PATJ: variants seen among roughly 807,000 people sequenced by gnomAD.
The protein encoded by PATJ is inaD-like protein.
PATJ carries 190 observed loss-of-function variants against 224.9 expected under a neutral mutation model. That is an observed-to-expected ratio of 0.84 (90% CI 0.75 to 0.95). PATJ has a LOEUF of 0.95. PATJ is among the 40% of genes least tolerant of loss of function. The pLI, the probability that PATJ is intolerant of heterozygous loss-of-function variation, is 0.00. For synonymous variants in PATJ, 769 were observed against 820.3 expected (o/e 0.94, Z 1.07); for missense variants, 2,121 against 2,270.3 (o/e 0.93, Z 1.34).
intron 7 of PATJ, among the ~76,000 whole-genome samples, chr1:61,783,066 G>A (rs1647677440): frequency 1.3e-5 from 2 of 152,216 alleles, no homozygotes; most frequent in African/African-American, 4.8e-5. Flanking sequence ...TTTGAGGGTG[G>A]ATGTGAACTT....
At chr1:61,787,550 A>C (rs960272379) in intron 7 of PATJ, among the ~76,000 whole-genome samples, 2 of 152,132 alleles carry the variant, frequency 1.3e-5, no homozygotes, top group African/African-American at 4.8e-5. Context: ...TACTTTTCTC[A>C]TTTTGAGCCA....
chr1:62,079,623 A>T (rs1347910224), intron 32 of PATJ, 56 bp downstream of exon 32: 3 of 1,126,170 alleles, frequency 2.7e-6, no homozygotes, highest in Non-Finnish European at 4.0e-6. Flanking sequence ...AAGGCAAGGG[A>T]TCATAATGTC....
chr1:62,042,584 G>A (rs930935437), intron 30 of PATJ, among the ~76,000 whole-genome samples: 36 of 152,020 alleles, frequency 2.4e-4, no homozygotes, highest in Admixed American at 2.2e-3. Context: ...TTATTAAGTA[G>A]CAGTTTTATT....
rs575022689 is a variant in PATJ, at chr1:61,884,183, C to G, written c.2960-54C>G. On this transcript the variant is annotated intron_variant, in intron 21 of 43. Coordinates refer to ENST00000642238, the MANE Select transcript of PATJ (RefSeq NM_001350145.3). The stretch of plus-strand genomic sequence containing the variant: ...GTGCCCATACCTAGTTGTTGAATGA[C>G]TAAAGGAGAATGAGTGCCTCTTGTG... The G allele has an allele frequency of 4.2e-6, 6 of 1,437,450 alleles. No homozygotes were observed. In the African/African-American group the frequency reaches 7.1e-5, roughly 17 times the overall value. 89.0% of individuals were successfully genotyped at this position (1,437,450 alleles called of 1,614,324 possible). A position where few individuals can be genotyped will look rare whatever the true frequency, so the allele number is the denominator to read the frequency against.
intron 20 of PATJ, among the ~76,000 whole-genome samples, chr1:61,869,357 C>T (rs992250306): frequency 5.9e-5 from 9 of 152,170 alleles, no homozygotes; most frequent in African/African-American, 1.9e-4. Context: ...CCGCCCGCCT[C>T]GGCCTCCCAA....
chr1:61,752,764 A>C (rs1051017742), intron 1 of PATJ, among the ~76,000 whole-genome samples: 2 of 152,210 alleles, frequency 1.3e-5, no homozygotes, highest in Admixed American at 6.6e-5. Context: ...GGAGGATTTA[A>C]ACATTGCTTA....
chr1:62,119,409 A>G (rs1339608927), intron 37 of PATJ, among the ~76,000 whole-genome samples: 2 of 152,212 alleles, frequency 1.3e-5, no homozygotes, highest in Admixed American at 1.3e-4. Flanking sequence ...CAGTTACAAA[A>G]TAGGGAGATC....
chr1:61,981,591 A>G (rs1644450934), intron 27 of PATJ, among the ~76,000 whole-genome samples: 1 of 151,972 alleles, frequency 6.6e-6, no homozygotes, highest in Admixed American at 6.6e-5. Context: ...ACAGTCCTGC[A>G]GAAGTATGAC....
intron 33 of PATJ, among the ~76,000 whole-genome samples, chr1:62,103,417 G>A (rs1662476516): frequency 1.3e-5 from 2 of 152,102 alleles, no homozygotes; most frequent in South Asian, 4.1e-4. Context: ...AGCATCTATG[G>A]CACATAGATG....
intron 7 of PATJ, among the ~76,000 whole-genome samples, chr1:61,778,373 C>T (rs181624209): frequency 8.8e-4 from 134 of 152,040 alleles, no homozygotes; most frequent in Non-Finnish European, 1.7e-3. Flanking sequence ...GCTAAAAGAT[C>T]CTTTCAAAAA....
At chr1:62,001,174 G>C (rs576874687) in intron 28 of PATJ, among the ~76,000 whole-genome samples, 281 of 150,870 alleles carry the variant, frequency 1.9e-3, no homozygotes, top group African/African-American at 6.6e-3. Context: ...CTTTTGCTGT[G>C]CAGAAGCTCT....
chr1:61,974,405 C>CTCTTTTTTTTTTTTT (rs1434777894), intron 27 of PATJ, among the ~76,000 whole-genome samples: 2 of 64,242 alleles, frequency 3.1e-5, no homozygotes, highest in African/African-American at 1.3e-4. Flanking sequence ...CTCTCTCTCT[C>CTCTTTTTTTTTTTTT]TTTTTTTTTT....
At chr1:61,792,387 T>C (rs1650070063) in intron 9 of PATJ, among the ~76,000 whole-genome samples, 1 of 152,182 alleles carries the variant, frequency 6.6e-6, no homozygotes, top group South Asian at 2.1e-4. Context: ...TTAAGTCTGG[T>C]TAGAGGAATC....
At chr1:61,785,961 T>G (rs1458878349) in intron 7 of PATJ, among the ~76,000 whole-genome samples, 2 of 152,192 alleles carry the variant, frequency 1.3e-5, no homozygotes, top group African/African-American at 2.4e-5. Flanking sequence ...CCACCTAGCT[T>G]AAGAAATATA....
chr1:61,887,328 C>A (rs1669032124), intron 22 of PATJ, among the ~76,000 whole-genome samples: 1 of 152,046 alleles, frequency 6.6e-6, no homozygotes, highest in African/African-American at 2.4e-5. Flanking sequence ...CTTTTTATAG[C>A]TTGAGAGCAG....
chr1:62,012,372 T>C (rs1260290699), intron 28 of PATJ, among the ~76,000 whole-genome samples: 1 of 152,250 alleles, frequency 6.6e-6, no homozygotes, highest in Non-Finnish European at 1.5e-5. Flanking sequence ...CTAAATGAGA[T>C]ACTGTGCATA....
intron 41 of PATJ, among the ~76,000 whole-genome samples, chr1:62,141,207 C>T (rs576966673): frequency 8.1e-4 from 122 of 151,224 alleles, no homozygotes; most frequent in African/African-American, 2.9e-3. Flanking sequence ...TGCCTCACAC[C>T]ACAGTTAGGA....
At position 62,148,405 on chromosome 1, in the gene PATJ, T is replaced by C. The variant is rs761190948; in HGVS notation, c.5378+15T>C. 3 of 1,558,158 alleles carry C rather than the reference T, an allele frequency of 1.9e-6. No homozygotes were observed. The highest frequency in any genetic ancestry group is 3.3e-5 in the Admixed American group (2 of 59,932). On this transcript the variant is annotated intron_variant, in intron 42 of 43. Transcript: ENST00000642238. Reference sequence around the variant, plus strand: ...GAAGACACAGAGTGAGTATTTCAGATGCAGAGGGCCTATTATGCATGTGGG... The same window carrying C: ...GAAGACACAGAGTGAGTATTTCAGACGCAGAGGGCCTATTATGCATGTGGG...
At chr1:62,122,533 G>A (rs1302151260) in intron 38 of PATJ, among the ~76,000 whole-genome samples, 1 of 149,292 alleles carries the variant, frequency 6.7e-6, no homozygotes, top group African/African-American at 2.5e-5. Flanking sequence ...TTAAAATAGA[G>A]GACACAGCAG....
Sources: allele counts gnomAD v4.1 joint callset (sites outside exome capture counted in the v4.1 genomes callset), GRCh38; gene constraint gnomAD v4.1.1; transcripts MANE v1.5; gene names NCBI Gene and HGNC (gene_info 2026-07-23, HGNC 2026-07-21).